The following PTPRD variants were observed in gnomAD, a reference collection of about 807,000 sequenced individuals.
PTPRD encodes the protein receptor-type tyrosine-protein phosphatase delta.
Under a neutral mutation model 214.5 loss-of-function variants are expected in PTPRD, and 34 were observed. That is an observed-to-expected ratio of 0.16 (90% CI 0.12 to 0.21). PTPRD has a LOEUF of 0.21. PTPRD is among the 10% of genes least tolerant of loss of function. The probability of loss-of-function intolerance (pLI) is 1.00; values close to 1 mark genes in which losing one functional copy is unlikely to be tolerated. For synonymous variants in PTPRD, 1,128 were observed against 845.7 expected (o/e 1.33, Z -5.79); for missense variants, 2,545 against 2,398.7 (o/e 1.06, Z -1.27).
At chr9:9,897,803 C>G (rs1201332708) in intron 5 of PTPRD, among the ~76,000 whole-genome samples, 2 of 152,064 alleles carry the variant, frequency 1.3e-5, no homozygotes, top group African/African-American at 4.8e-5. Flanking sequence ...ACAATGTACA[C>G]TTAACTGTTT....
intron 9 of PTPRD, among the ~76,000 whole-genome samples, chr9:9,341,507 G>T (rs1454672580): frequency 1.3e-5 from 2 of 152,040 alleles, no homozygotes; most frequent in Non-Finnish European, 2.9e-5. Context: ...CCTGGCACTT[G>T]TCCTGCTGGT....
At chr9:8,613,045 A>G (rs1359365892) in intron 14 of PTPRD, among the ~76,000 whole-genome samples, 2 of 152,208 alleles carry the variant, frequency 1.3e-5, no homozygotes, top group Non-Finnish European at 2.9e-5. Flanking sequence ...ACATTCTGTC[A>G]ATAACAAAAC....
intron 2 of PTPRD, among the ~76,000 whole-genome samples, chr9:10,599,847 G>A (rs756122640): frequency 1.3e-5 from 2 of 151,602 alleles, no homozygotes; most frequent in Non-Finnish European, 2.9e-5. Flanking sequence ...AGGCTTTTAC[G>A]CTTCCCAGTT....
chr9:8,551,538 TA>T (rs1363577912), intron 14 of PTPRD, among the ~76,000 whole-genome samples: 1 of 152,218 alleles, frequency 6.6e-6, no homozygotes, highest in Admixed American at 6.5e-5. Context: ...TTTAGAAGAC[TA>T]ACAAGGATGC....
At chr9:8,700,911 C>G (rs1346599378) in intron 12 of PTPRD, 1 of 152,056 alleles carries the variant, frequency 6.6e-6, no homozygotes, top group Non-Finnish European at 1.5e-5. Context: ...TCCTGTAATC[C>G]CAGCACTTTG....
chr9:8,879,339 A>T (rs1293431919), intron 11 of PTPRD, among the ~76,000 whole-genome samples: 1 of 152,200 alleles, frequency 6.6e-6, no homozygotes, highest in African/African-American at 2.4e-5. Context: ...AGTACTGACC[A>T]TACAATGTGA....
At chr9:8,924,236 C>G (rs199545532) in intron 11 of PTPRD, among the ~76,000 whole-genome samples, 7 of 151,730 alleles carry the variant, frequency 4.6e-5, no homozygotes, top group Non-Finnish European at 1.0e-4. Flanking sequence ...AGTATCAACC[C>G]AAAATTTTTA....
At chr9:9,439,702 G>T (rs1187923465) in intron 8 of PTPRD, among the ~76,000 whole-genome samples, 1 of 152,150 alleles carries the variant, frequency 6.6e-6, no homozygotes, top group Non-Finnish European at 1.5e-5. Flanking sequence ...GCAAAACAGT[G>T]AAGATTCTTA....
intron 11 of PTPRD, among the ~76,000 whole-genome samples, chr9:8,813,884 T>C (rs1322172368): frequency 6.6e-6 from 1 of 152,228 alleles, no homozygotes; most frequent in African/African-American, 2.4e-5. Flanking sequence ...GAAGTCTTCT[T>C]TGGTCCTGGT....
intron 10 of PTPRD, among the ~76,000 whole-genome samples, chr9:9,159,039 T>C (rs1356845547): frequency 3.9e-5 from 6 of 152,100 alleles, no homozygotes; most frequent in Non-Finnish European, 1.5e-5. Flanking sequence ...ATAGACAAAG[T>C]ATAGAAGGAA....
intron 7 of PTPRD, among the ~76,000 whole-genome samples, chr9:9,673,479 C>T (rs943745091): frequency 6.6e-6 from 1 of 151,636 alleles, no homozygotes; most frequent in Non-Finnish European, 1.5e-5. Context: ...TTAGATTAAT[C>T]CCACTGTAGA....
intron 8 of PTPRD, among the ~76,000 whole-genome samples, chr9:9,481,194 T>C (rs2095398147): frequency 6.6e-6 from 1 of 151,890 alleles, no homozygotes; most frequent in Non-Finnish European, 1.5e-5. Flanking sequence ...CTAAGGAAAA[T>C]AATGAGATAT....
Position 8,683,661 on chromosome 9 carries a change from G to C in PTPRD, c.65-46817C>G, listed in dbSNP as rs74650084. 6.6e-3 allele frequency among the ~76,000 whole-genome samples: 1,001 copies of C among 152,318 alleles called. 18 individuals carry two copies. Among genetic ancestry groups the C allele is most frequent in the African/African-American group, 0.023 (958 of 41,576 alleles). The stretch of plus-strand genomic sequence containing the variant: ...GCCATAAGGTCTCCTTCCACTAGCA[G>C]TGGGGAGTCTATTCCCTCCATTTGA... On this transcript the variant is annotated intron_variant, in intron 12 of 45. Coordinates refer to ENST00000381196, the MANE Select transcript of PTPRD (RefSeq NM_002839.4).
At chr9:9,945,967 A>C (rs967662841) in intron 4 of PTPRD, among the ~76,000 whole-genome samples, 1 of 151,962 alleles carries the variant, frequency 6.6e-6, no homozygotes, top group Non-Finnish European at 1.5e-5. Context: ...GATACAAATT[A>C]AATGATATAA....
intron 14 of PTPRD, among the ~76,000 whole-genome samples, chr9:8,592,708 C>T (rs992321342): frequency 6.6e-6 from 1 of 152,050 alleles, no homozygotes; most frequent in Non-Finnish European, 1.5e-5. Flanking sequence ...ATTGGTGTCT[C>T]GAAGCACATA....
At chr9:9,247,415 C>T (rs2099973551) in intron 9 of PTPRD, among the ~76,000 whole-genome samples, 1 of 152,062 alleles carries the variant, frequency 6.6e-6, no homozygotes, top group African/African-American at 2.4e-5. Context: ...ATTCTGAAGG[C>T]TCCCACATCC....
intron 3 of PTPRD, among the ~76,000 whole-genome samples, chr9:10,314,069 T>C (rs2096351042): frequency 6.6e-6 from 1 of 151,952 alleles, no homozygotes; most frequent in African/African-American, 2.4e-5. Flanking sequence ...AAAATAATTT[T>C]TTCATTAGCC....
intron 3 of PTPRD, among the ~76,000 whole-genome samples, chr9:10,310,744 A>T (rs1423956198): frequency 6.6e-6 from 1 of 152,126 alleles, no homozygotes; most frequent in Admixed American, 6.6e-5. Context: ...TCCTGAATAG[A>T]CACACTTACG....
intron 5 of PTPRD, among the ~76,000 whole-genome samples, chr9:9,803,327 T>C (rs1241977209): frequency 6.6e-6 from 1 of 151,794 alleles, no homozygotes; most frequent in Non-Finnish European, 1.5e-5. Flanking sequence ...CAAACTCTTA[T>C]GAGAAACACA....
Sources: gnomAD v4.1 joint callset for allele counts (sites outside exome capture counted in the v4.1 genomes callset) on GRCh38, gnomAD v4.1.1 for gene constraint, MANE v1.5 for transcripts, NCBI Gene and HGNC (gene_info 2026-07-23, HGNC 2026-07-21) for gene names.